The following POMT2 variants were observed in gnomAD, a reference collection of about 807,000 sequenced individuals.
POMT2 encodes the protein protein O-mannosyl-transferase 2.
A neutral mutation model predicts 100.0 loss-of-function variants in POMT2; 75 were observed. The observed-to-expected ratio is 0.75, with a 90% CI of 0.62 to 0.91. POMT2 has a LOEUF of 0.91. Ranked by LOEUF, POMT2 falls within the 40% of genes least tolerant of loss-of-function variation. POMT2 has a pLI of 0.00. For missense variants in POMT2, 940 were observed against 955.1 expected, an observed-to-expected ratio of 0.98 and a Z score of 0.21; for synonymous variants, 378 against 374.1, an observed-to-expected ratio of 1.01 and a Z score of -0.12.
At position 77,320,468 on chromosome 14, in the gene POMT2, G is replaced by A. The variant is rs775542942; in HGVS notation, c.214C>T (p.Arg72Cys). 1 of 1,545,632 alleles carries A rather than the reference G, an allele frequency of 6.5e-7. No individual in the cohort carries two copies. The highest frequency in any genetic ancestry group is 8.7e-7 in the Non-Finnish European group (1 of 1,147,180). Residue 72 changes from arginine (R) to cysteine (C), a missense_variant, in exon 1 of 21, where the codon CGC (arginine) becomes TGC (cysteine). Coordinates refer to ENST00000261534, the MANE Select transcript of POMT2 (RefSeq NM_013382.7). ...ALVTLLSFAT[R>C]FHRLDEPPHI... ...GGCGGCTCGTCCAAGCGGTGGAAGCGGGTGGCGAAGGACAGCAGCGTCACC... is the reference window on the plus strand; with the variant it reads ...GGCGGCTCGTCCAAGCGGTGGAAGCAGGTGGCGAAGGACAGCAGCGTCACC...
chr14:77,289,281 C>T (rs1010467716), intron 10 of POMT2, among the ~76,000 whole-genome samples: 2 of 152,004 alleles, frequency 1.3e-5, no homozygotes, highest in African/African-American at 2.4e-5. Context: ...GTCCCAGCTA[C>T]TCGAGAGGCT....
intron 8 of POMT2, 28 bp from the exon 9 acceptor site, chr14:77,296,301 T>C: frequency 6.6e-7 from 1 of 1,507,906 alleles, no homozygotes; most frequent in Admixed American, 1.9e-5. Context: ...AGCAGAGGGG[T>C]GAGCTGGCAC....
At chr14:77,284,217 C>T in intron 14 of POMT2, 1 of 366,854 alleles carries the variant, frequency 2.7e-6, no homozygotes, top group African/African-American at 2.1e-5. Flanking sequence ...CACTGTGGCC[C>T]TTTGAAGGGC....
intron 2 of POMT2, among the ~76,000 whole-genome samples, chr14:77,308,600 C>T (rs1171281499): frequency 6.6e-6 from 1 of 152,164 alleles, no homozygotes; most frequent in Non-Finnish European, 1.5e-5. Context: ...AGGTGATCCG[C>T]CCGCCTCGGC....
chr14:77,289,139 C>G (rs1172949116), intron 10 of POMT2, among the ~76,000 whole-genome samples: 1 of 151,868 alleles, frequency 6.6e-6, no homozygotes, highest in Non-Finnish European at 1.5e-5. Flanking sequence ...GCCTGTAATC[C>G]TAGCCCTTTG....
intron 15 of POMT2, among the ~76,000 whole-genome samples, chr14:77,283,150 T>C (rs1890290469): frequency 6.6e-6 from 1 of 152,254 alleles, no homozygotes; most frequent in South Asian, 2.1e-4. Flanking sequence ...AATCATGCCC[T>C]GCCTAAGCAG....
chr14:77,311,924 A>G (rs1361387680), intron 2 of POMT2, 25 bp downstream of exon 2: 1 of 1,613,542 alleles, frequency 6.2e-7, no homozygotes, highest in Admixed American at 1.7e-5. Flanking sequence ...GGGACCAGAG[A>G]GCTGCTATTC....
Position 77,320,457 on chromosome 14 carries a change from G to A in POMT2, c.225C>T (p.Arg75=), listed in dbSNP as rs1479709813. ...ACCAGATGTGCGGCGGCTCGTCCAA[G>A]CGGTGGAAGCGGGTGGCGAAGGACA... The part of the protein sequence containing the change: ...TLLSFATRFH[R]LDEPPHICWD... The change falls in exon 1 of 21, where the codon CGC becomes CGT. Residue 75 remains arginine, a synonymous_variant. Coordinates refer to ENST00000261534, the MANE Select transcript of POMT2 (RefSeq NM_013382.7). 1.3e-6 allele frequency: 2 copies of A among 1,546,060 alleles called. No homozygotes were observed. Among genetic ancestry groups the A allele is most frequent in the Non-Finnish European group, 1.7e-6 (2 of 1,146,974 alleles).
Position 77,284,965 on chromosome 14 carries a change from G to A in POMT2, c.1561C>T (p.His521Tyr). 1 of 1,610,726 alleles carries A rather than the reference G, an allele frequency of 6.2e-7. No homozygotes were observed. Among genetic ancestry groups the A allele is most frequent in the Non-Finnish European group, 8.5e-7 (1 of 1,176,890 alleles). Residue 521 changes from histidine to tyrosine, a missense_variant, in exon 14 of 21, where the codon CAT becomes TAT. His to Tyr is a moderately conservative substitution (Grantham distance 83). Transcript: ENST00000261534. ...CCTCACTCACACTTGGGATTGATAT[G>A]GTCCTCCACATTCCAGATGGAGTTG... The part of the protein sequence containing the change: ...TLNSIWNVED[H>Y]INPKLPNISL...
In POMT2 at chr14:77,299,437, C is replaced by CA. The variant is rs1223490711; in HGVS notation, c.923+17dup. ...AAGGAAAACCAGAAGCAAGATGCTG[C>CA]AAAGGCTCTGTCTGTACCTTTTACT... On this transcript the variant is annotated intron_variant, in intron 7 of 20. Transcript: ENST00000261534. 1.9e-6 allele frequency: 3 copies of CA among 1,605,724 alleles called. No individual in the cohort carries two copies. Among genetic ancestry groups the CA allele is most frequent in the Non-Finnish European group, 2.6e-6 (3 of 1,172,696 alleles).
chr14:77,315,578 T>C (rs1041863181), intron 1 of POMT2, among the ~76,000 whole-genome samples: 17 of 152,236 alleles, frequency 1.1e-4, no homozygotes, highest in Non-Finnish European at 2.1e-4. Flanking sequence ...GTATAGCTGA[T>C]ACTGATCCCA....
chr14:77,278,817 T>C lies in POMT2; in HGVS notation c.1944A>G (p.Thr648=), dbSNP rs148146976. ...RGGGQVLLGW[T]LHYFPFFLMG... ...TCAGGAAAAACGGGAAGTAATGGAG[T>C]GTCCAGCCGAGCAGGACCTGGCCGC... The change falls in exon 19 of 21, where the codon ACA becomes ACG. Residue 648 remains threonine (T), a synonymous_variant. Transcript: ENST00000261534. 220 of 1,613,166 alleles carry C rather than the reference T, an allele frequency of 1.4e-4. No individual in the cohort carries two copies. The highest frequency in any genetic ancestry group is 5.6e-5 in the Non-Finnish European group (66 of 1,179,676).
intron 12 of POMT2, 88 bp downstream of exon 12, chr14:77,286,656 A>G: frequency 6.3e-7 from 1 of 1,575,508 alleles, no homozygotes; most frequent in Middle Eastern, 1.7e-4. Context: ...AACATTCCAG[A>G]ATTCTGGGGA....
rs779389210 is a variant in POMT2, at chr14:77,285,657, T to A, written c.1333-25A>T. On this transcript the variant is annotated intron_variant, in intron 12 of 20. Transcript: ENST00000261534. ...TCTGCCATAAAAGCCAAGAAAAAAA[T>A]ACAAAGAAAGTGAGGGGACTTTAGA... 6.2e-7 allele frequency: 1 copy of A among 1,604,188 alleles called. No homozygotes were observed. Among genetic ancestry groups the A allele is most frequent in the African/African-American group, 1.3e-5 (1 of 74,534 alleles).
intron 2 of POMT2, among the ~76,000 whole-genome samples, chr14:77,307,619 T>G (rs571600554): frequency 3.9e-5 from 6 of 152,298 alleles, no homozygotes; most frequent in African/African-American, 1.4e-4. Context: ...TTGGCTGGTC[T>G]AGAGAGAAGA....
chr14:77,312,324 T>A, intron 1 of POMT2: 1 of 319,642 alleles, frequency 3.1e-6, no homozygotes, highest in Non-Finnish European at 5.8e-6. Flanking sequence ...CTATTTATTT[T>A]AAAAGGACAA....
chr14:77,280,341 C>G lies in POMT2; in HGVS notation c.1725+51G>C, dbSNP rs78688981. The G allele has an allele frequency of 1.7e-3, 2,737 of 1,612,948 alleles. 28 individuals are homozygous for G. The African/African-American group carries it at 0.018, about 11-fold the overall frequency. On this transcript the variant is annotated intron_variant, in intron 16 of 20. Transcript: ENST00000261534. ...ACCCCCGCCTCCACCGGTCTCCCTG[C>G]TCTTGTTCTTGGCTCCATTTCCTGG...
In POMT2 at chr14:77,286,797, A is replaced by G; in HGVS notation, c.1279T>C (p.Tyr427His). ...TTCCGGGTCATGGGGGCCTCATGAT[A>G]GTGACTGTGCAAGTTCCGGGAAGTT... ...KETSRNLHSH[Y>H]HEAPMTRKHY... The change falls in exon 12 of 21, where the codon TAT becomes CAT. Residue 427 changes from tyrosine (Y) to histidine (H), a missense_variant. Physicochemically the swap from Tyr to His is moderately conservative, Grantham distance 83. Transcript: ENST00000261534. 1.2e-6 allele frequency: 2 copies of G among 1,614,194 alleles called. No individual in the cohort carries two copies. The highest frequency in any genetic ancestry group is 1.7e-6 in the Non-Finnish European group (2 of 1,180,030).
At chr14:77,278,349 G>T in intron 20 of POMT2, 45 bp downstream of exon 20, 2 of 1,389,498 alleles carry the variant, frequency 1.4e-6, no homozygotes, top group Non-Finnish European at 2.0e-6. Flanking sequence ...CTGAGGCACT[G>T]CTGAGCCCAC....
Sources: allele counts gnomAD v4.1 joint callset (sites outside exome capture counted in the v4.1 genomes callset), GRCh38; gene constraint gnomAD v4.1.1; transcripts MANE v1.5; gene names NCBI Gene and HGNC (gene_info 2026-07-23, HGNC 2026-07-21).